Variants in AUTS2 observed in about 807,000 individuals in gnomAD.
The protein encoded by AUTS2 is activator of transcription and developmental regulator AUTS2, also known as autism susceptibility gene 2 protein.
In AUTS2, 17 loss-of-function variants were observed where a neutral mutation model predicts 112.4. The ratio of observed to expected loss-of-function variants is 0.15; its 90% CI spans 0.10 to 0.23. The LOEUF (loss-of-function observed/expected upper bound fraction) is 0.23. AUTS2 is among the 10% of genes least tolerant of loss of function. The probability of loss-of-function intolerance (pLI) is 1.00; values close to 1 mark genes in which losing one functional copy is unlikely to be tolerated. For synonymous variants in AUTS2, 751 were observed against 702.7 expected, an observed-to-expected ratio of 1.07 and a Z score of -1.09; for missense variants, 1,510 against 1,701.6, an observed-to-expected ratio of 0.89 and a Z score of 1.98.
At chr7:70,778,571 T>TAAA (rs796134070) in intron 14 of AUTS2, among the ~76,000 whole-genome samples, 3,027 of 77,522 alleles carry the variant, frequency 0.039, 102 homozygotes, top group African/African-American at 0.1. Flanking sequence ...ATCTCATCTC[T>TAAA]AAAAAAAAAA....
Position 70,044,741 on chromosome 7 carries a change from C to T in AUTS2, c.523-73391C>T, listed in dbSNP as rs561814130. Among the ~76,000 whole-genome samples, 8 of 152,142 alleles carry T rather than the reference C, an allele frequency of 5.3e-5. No homozygotes were observed. The South Asian group carries it at 1.2e-3, about 24-fold the overall frequency. On this transcript the variant is annotated intron_variant, in intron 2 of 18. Transcript: ENST00000342771. ...CTCATGTTGATAGAGTCAGATTGAC[C>T]GCTGAGAGAGAAAATACAGACTGGA...
chr7:69,830,133 G>C (rs1270092629), intron 1 of AUTS2, among the ~76,000 whole-genome samples: 1 of 152,094 alleles, frequency 6.6e-6, no homozygotes, highest in South Asian at 2.1e-4. Flanking sequence ...ACTAACACGG[G>C]AACAGAAAAC....
chr7:70,481,506 A>G (rs1221366949), intron 5 of AUTS2, among the ~76,000 whole-genome samples: 1 of 152,150 alleles, frequency 6.6e-6, no homozygotes, highest in Admixed American at 6.5e-5. Flanking sequence ...TCATTTACCC[A>G]GGCTTCCTAG....
intron 1 of AUTS2, among the ~76,000 whole-genome samples, chr7:69,808,173 C>T (rs891488755): frequency 6.6e-6 from 1 of 152,090 alleles, no homozygotes; most frequent in African/African-American, 2.4e-5. Context: ...GGTAATCTGC[C>T]CGCCTCTGCC....
At chr7:69,680,033 CA>C (rs1796724029) in intron 1 of AUTS2, among the ~76,000 whole-genome samples, 1 of 152,164 alleles carries the variant, frequency 6.6e-6, no homozygotes, top group Admixed American at 6.5e-5. Flanking sequence ...ATAGATACTA[CA>C]TTTTTTAGTT....
chr7:70,176,674 A>G (rs1385727597), intron 4 of AUTS2, among the ~76,000 whole-genome samples: 2 of 152,242 alleles, frequency 1.3e-5, no homozygotes, highest in Admixed American at 6.5e-5. Context: ...ATCATTCTGA[A>G]AAATATATTT....
rs544509084 is a variant in AUTS2, at chr7:70,272,061, C to T, written c.660+137490C>T. ...GAGCCTGCGTCTCTCCTGAGGATGC[C>T]GGCTCAAAGAGGCTTTTCTGCTCAG... On this transcript the variant is annotated intron_variant, in intron 4 of 18. Coordinates refer to ENST00000342771, the MANE Select transcript of AUTS2 (RefSeq NM_015570.4). Among the ~76,000 whole-genome samples the T allele has an allele frequency of 9.2e-5, 14 of 152,178 alleles. No homozygotes were observed. In the East Asian group the frequency reaches 2.1e-3, roughly 23 times the overall value.
At position 70,232,548 on chromosome 7, in the gene AUTS2, C is replaced by T. The variant is rs184751427; in HGVS notation, c.660+97977C>T. On this transcript the variant is annotated intron_variant, in intron 4 of 18. Transcript: ENST00000342771. ...ACTCCCCAGTAGCTGGGACTACAGG[C>T]GCATACCACCATGCCCAGCTAATTT... 2.4e-3 allele frequency among the ~76,000 whole-genome samples: 360 copies of T among 152,144 alleles called. 1 individual carries two copies. Among genetic ancestry groups the T allele is most frequent in the African/African-American group, 7.8e-3 (325 of 41,530 alleles).
intron 10 of AUTS2, among the ~76,000 whole-genome samples, chr7:70,769,036 C>T (rs1399061961): frequency 6.6e-6 from 1 of 152,086 alleles, no homozygotes; most frequent in East Asian, 1.9e-4. Context: ...TGAATTCATT[C>T]ATATTCTGAA....
intron 1 of AUTS2, chr7:69,643,495 T>G (rs1794886626): frequency 6.6e-6 from 1 of 152,094 alleles, no homozygotes; most frequent in Non-Finnish European, 1.5e-5. Flanking sequence ...CAATAAACAC[T>G]GATTGACAGA....
At chr7:70,001,480 A>G (rs565438411) in intron 2 of AUTS2, among the ~76,000 whole-genome samples, 15 of 152,030 alleles carry the variant, frequency 9.9e-5, no homozygotes, top group Admixed American at 3.9e-4. Flanking sequence ...ATTATTGCCA[A>G]TGGTGGTTGG....
intron 4 of AUTS2, among the ~76,000 whole-genome samples, chr7:70,228,093 T>G (rs1189756457): frequency 2.0e-5 from 3 of 151,954 alleles, no homozygotes; most frequent in Non-Finnish European, 4.4e-5. Context: ...GTTTCGGGGT[T>G]TGTAGTTAGG....
chr7:70,103,282 C>T (rs1227259168), intron 2 of AUTS2, among the ~76,000 whole-genome samples: 2 of 152,234 alleles, frequency 1.3e-5, no homozygotes, highest in Non-Finnish European at 2.9e-5. Flanking sequence ...CTAGGCCCAT[C>T]TCTTCCTTTC....
chr7:70,089,622 G>A (rs1803802129), intron 2 of AUTS2, among the ~76,000 whole-genome samples: 1 of 151,802 alleles, frequency 6.6e-6, no homozygotes, highest in South Asian at 2.1e-4. Context: ...TTCTTGATAT[G>A]GTTATGTTTA....
intron 5 of AUTS2, among the ~76,000 whole-genome samples, chr7:70,505,528 A>G (rs796090768): frequency 3.3e-5 from 5 of 152,286 alleles, no homozygotes; most frequent in South Asian, 4.1e-4. Context: ...CATCTGAATT[A>G]AACAATTGGA....
chr7:70,495,235 T>TAAAAAA (rs34861688), intron 5 of AUTS2, among the ~76,000 whole-genome samples: 1 of 102,744 alleles, frequency 9.7e-6, no homozygotes, highest in African/African-American at 3.7e-5. Flanking sequence ...ACCTTTTCTT[T>TAAAAAA]AAAAAAAAAA....
At chr7:70,076,169 A>G (rs1027841431) in intron 2 of AUTS2, among the ~76,000 whole-genome samples, 46 of 152,222 alleles carry the variant, frequency 3.0e-4, no homozygotes, top group African/African-American at 1.1e-3. Context: ...CTGATGGGAA[A>G]TACTTTCTCT....
chr7:70,691,263 T>C (rs1049097614), intron 5 of AUTS2, among the ~76,000 whole-genome samples: 7 of 152,326 alleles, frequency 4.6e-5, no homozygotes, highest in African/African-American at 1.7e-4. Context: ...TAAGACTTGT[T>C]CTCCTTAGAT....
chr7:70,394,596 C>A (rs1214349892), intron 4 of AUTS2, among the ~76,000 whole-genome samples: 1 of 152,194 alleles, frequency 6.6e-6, no homozygotes, highest in African/African-American at 2.4e-5. Context: ...TTGCTACCAA[C>A]ATATGTGGCC....
Sources: gnomAD v4.1 joint callset for allele counts (sites outside exome capture counted in the v4.1 genomes callset) on GRCh38, gnomAD v4.1.1 for gene constraint, MANE v1.5 for transcripts, NCBI Gene and HGNC (gene_info 2026-07-23, HGNC 2026-07-21) for gene names.